Variants in TBCD observed in about 807,000 individuals in gnomAD.
TBCD encodes the protein tubulin-specific chaperone D.
Under a neutral mutation model 169.3 loss-of-function variants are expected in TBCD, and 105 were observed. The observed-to-expected ratio is 0.62, with a 90% CI of 0.53 to 0.73. The LOEUF (loss-of-function observed/expected upper bound fraction) is 0.73, where lower values mean the gene tolerates loss of function less well. TBCD is among the 30% of genes least tolerant of loss of function. The pLI, the probability that TBCD is intolerant of heterozygous loss-of-function variation, is 0.00. For missense variants in TBCD, 1,444 were observed against 1,600.1 expected, an observed-to-expected ratio of 0.90 and a Z score of 1.66; for synonymous variants, 700 against 643.9, an observed-to-expected ratio of 1.09 and a Z score of -1.32.
chr17:82,945,452 G>C lies in TBCD; in HGVS notation c.*2989G>C, dbSNP rs1432250101. 1.3e-5 allele frequency: 2 copies of C among 152,180 alleles called. No individual in the cohort carries two copies. The highest frequency in any genetic ancestry group is 4.8e-5 in the African/African-American group (2 of 41,452). The allele number at this position is 152,180 out of a possible 1,614,324, so 9.4% of individuals were successfully genotyped here. On this transcript the variant is annotated 3_prime_UTR_variant, in exon 39 of 39. Transcript: ENST00000355528. ...GTAAGAAGGACAGAGTGATATAAAC[G>C]ACTACCAATTTCCCAGCAGCAGCAC...
At chr17:82,857,014 G>A (rs901373801) in intron 13 of TBCD, among the ~76,000 whole-genome samples, 1 of 152,200 alleles carries the variant, frequency 6.6e-6, no homozygotes, top group African/African-American at 2.4e-5. Context: ...GCGGACCCTC[G>A]GTGTGTTACT....
chr17:82,934,832 C>G (rs1272680896), intron 34 of TBCD, among the ~76,000 whole-genome samples: 1 of 152,146 alleles, frequency 6.6e-6, no homozygotes, highest in Non-Finnish European at 1.5e-5. Context: ...GGCGCCATGG[C>G]TCACGCCTGT....
At position 82,817,605 on chromosome 17, in the gene TBCD, T is replaced by G. The variant is rs577227512; in HGVS notation, c.1318+2671T>G. ...AGCTACTGCACCTGGCCTTCATGCCTGGCTAATTAAAAAAGTTTTTTGTAG... is the reference window on the plus strand; with the variant it reads ...AGCTACTGCACCTGGCCTTCATGCCGGGCTAATTAAAAAAGTTTTTTGTAG... On this transcript the variant is annotated intron_variant, in intron 13 of 38. Coordinates refer to ENST00000355528, the MANE Select transcript of TBCD (RefSeq NM_005993.5). 7.9e-5 allele frequency among the ~76,000 whole-genome samples: 12 copies of G among 152,274 alleles called. No individual in the cohort carries two copies. The East Asian group carries it at 1.7e-3, about 22-fold the overall frequency.
intron 2 of TBCD, 122 bp downstream of exon 2, chr17:82,756,337 T>A: frequency 9.5e-7 from 1 of 1,050,168 alleles, no homozygotes; most frequent in South Asian, 1.4e-5. Context: ...GTCCCTGTCT[T>A]GCTTGCCTGG....
Position 82,835,324 on chromosome 17 carries a change from GT to G in TBCD, c.1318+20391del, listed in dbSNP as rs962945933. ...TCCTCCCACACGCCAGGGGCCAGGG[GT>G]GGTGGCTGGGCTTTCATATGGCTGC... On this transcript the variant is annotated intron_variant, in intron 13 of 38. Coordinates refer to ENST00000355528, the MANE Select transcript of TBCD (RefSeq NM_005993.5). The surrounding 1 kb of genome is among the most constrained non-coding windows in gnomAD (Gnocchi z 4.5). Among the ~76,000 whole-genome samples, 1 of 152,220 alleles carries G rather than the reference GT, an allele frequency of 6.6e-6. No individual in the cohort carries two copies. The highest frequency in any genetic ancestry group is 1.5e-5 in the Non-Finnish European group (1 of 68,036).
At chr17:82,797,477 G>A (rs537005495) in intron 7 of TBCD, among the ~76,000 whole-genome samples, 1 of 152,252 alleles carries the variant, frequency 6.6e-6, no homozygotes, top group Non-Finnish European at 1.5e-5. Context: ...GGCACGTTTT[G>A]TGATGCCATT....
intron 4 of TBCD, among the ~76,000 whole-genome samples, chr17:82,767,683 A>G (rs1017113568): frequency 1.2e-4 from 18 of 152,110 alleles, no homozygotes; most frequent in African/African-American, 4.3e-4. Flanking sequence ...TCGGCCAGGC[A>G]CGGTGGCTCG....
intron 13 of TBCD, among the ~76,000 whole-genome samples, chr17:82,826,888 G>A (rs987511809): frequency 7.2e-5 from 11 of 151,944 alleles, no homozygotes; most frequent in African/African-American, 2.7e-4. Flanking sequence ...CCATCCTCCC[G>A]CCTCAGCCTC....
chr17:82,926,521 G>GT (rs2061776684), intron 28 of TBCD, 30 bp downstream of exon 28: 5 of 1,598,288 alleles, frequency 3.1e-6, no homozygotes, highest in Middle Eastern at 1.7e-4. Context: ...CCCTAAAGTC[G>GT]TAAGTCTCTG....
Position 82,889,651 on chromosome 17 carries a change from T to A in TBCD, c.1534-17T>A. ...GCTGACCTCGCTCACCTGCTGTGTT[T>A]GTTCTTTGCTCCGCAGGCCGCCTTC... On this transcript the variant is annotated splice_polypyrimidine_tract_variant and intron_variant, in intron 15 of 38. Coordinates refer to ENST00000355528, the MANE Select transcript of TBCD (RefSeq NM_005993.5). This position sits in a 1 kb window ranked among gnomAD's most constrained non-coding sequence, Gnocchi z 5.3. 6.2e-7 allele frequency: 1 copy of A among 1,613,962 alleles called. No individual in the cohort carries two copies. Among genetic ancestry groups the A allele is most frequent in the Non-Finnish European group, 8.5e-7 (1 of 1,179,854 alleles).
intron 16 of TBCD, among the ~76,000 whole-genome samples, chr17:82,891,338 G>A (rs369616427): frequency 2.0e-5 from 3 of 152,336 alleles, no homozygotes; most frequent in African/African-American, 7.2e-5. Context: ...CCGTGGGTGC[G>A]GGAGTCTTGC....
intron 6 of TBCD, among the ~76,000 whole-genome samples, chr17:82,780,645 C>CTTTTTTTT (rs36145167): frequency 9.5e-5 from 10 of 104,730 alleles, no homozygotes; most frequent in South Asian, 4.0e-4. Context: ...AAGACTTGGG[C>CTTTTTTTT]TTTTTTTTTT....
At chr17:82,766,156 C>T (rs1184911083) in intron 3 of TBCD, 111 bp from the exon 4 acceptor site, 4 of 826,660 alleles carry the variant, frequency 4.8e-6, no homozygotes, top group East Asian at 2.7e-5. Flanking sequence ...ACAGAATTCT[C>T]TTTGATCAGT....
intron 13 of TBCD, among the ~76,000 whole-genome samples, chr17:82,818,151 A>G (rs1276242142): frequency 2.0e-5 from 3 of 152,230 alleles, no homozygotes; most frequent in East Asian, 1.9e-4. Flanking sequence ...GGGTAAAGCT[A>G]TGGTTCAGAA....
chr17:82,758,929 T>C (rs567431674), intron 2 of TBCD, among the ~76,000 whole-genome samples: 20 of 152,286 alleles, frequency 1.3e-4, no homozygotes, highest in Admixed American at 1.2e-3. Flanking sequence ...CCCAAAGTGC[T>C]GGGATTACAG....
chr17:82,863,113 T>C (rs1467124809), intron 13 of TBCD, among the ~76,000 whole-genome samples: 1 of 152,204 alleles, frequency 6.6e-6, no homozygotes, highest in Non-Finnish European at 1.5e-5. Context: ...TTGTGTTGCT[T>C]TCCAGTAGCC....
intron 7 of TBCD, chr17:82,795,410 C>CCG (rs1234044030): frequency 2.8e-6 from 1 of 351,350 alleles, no homozygotes; most frequent in Non-Finnish European, 4.0e-6. Flanking sequence ...TGTCCTGCGT[C>CCG]CGCCCACAGC....
At chr17:82,801,765 C>T (rs1430575508) in intron 9 of TBCD, among the ~76,000 whole-genome samples, 1 of 132,634 alleles carries the variant, frequency 7.5e-6, no homozygotes, top group South Asian at 2.6e-4. Flanking sequence ...TCAGGGTCAG[C>T]GTGGCAGGAG....
At chr17:82,774,769 C>T (rs1200509944) in intron 6 of TBCD, among the ~76,000 whole-genome samples, 1 of 152,166 alleles carries the variant, frequency 6.6e-6, no homozygotes, top group East Asian at 1.9e-4. Flanking sequence ...ATATTGCAAA[C>T]AGTCCACGTA....
Sources: allele counts gnomAD v4.1 joint callset (sites outside exome capture counted in the v4.1 genomes callset), GRCh38; gene constraint gnomAD v4.1.1; non-coding constraint Gnocchi (gnomAD v3.1); transcripts MANE v1.5; gene names NCBI Gene and HGNC (gene_info 2026-07-23, HGNC 2026-07-21).